The following PDE4B variants were observed in gnomAD, a reference collection of about 807,000 sequenced individuals.
The protein encoded by PDE4B is phosphodiesterase 4B.
A neutral mutation model predicts 82.2 loss-of-function variants in PDE4B; 20 were observed. The observed-to-expected ratio is 0.24, with a 90% CI of 0.17 to 0.35. PDE4B has a LOEUF of 0.35. Ranked by LOEUF, PDE4B falls within the 10% of genes least tolerant of loss-of-function variation. The pLI, the probability that PDE4B is intolerant of heterozygous loss-of-function variation, is 1.00. For missense variants in PDE4B, 655 were observed against 907.2 expected (o/e 0.72, Z 3.57); for synonymous variants, 320 against 318.9 (o/e 1.00, Z -0.04).
chr1:66,204,618 A>G (rs1649382698), intron 3 of PDE4B, among the ~76,000 whole-genome samples: 1 of 152,180 alleles, frequency 6.6e-6, no homozygotes, highest in African/African-American at 2.4e-5. Context: ...GCAATCAACG[A>G]GACTCCATGG....
intron 3 of PDE4B, among the ~76,000 whole-genome samples, chr1:65,942,854 T>A (rs1648518197): frequency 6.6e-6 from 1 of 151,758 alleles, no homozygotes; most frequent in African/African-American, 2.4e-5. Context: ...AGATCTTTTG[T>A]CCATGTTTAA....
chr1:66,029,174 T>G (rs1282208182), intron 3 of PDE4B, among the ~76,000 whole-genome samples: 4 of 152,112 alleles, frequency 2.6e-5, no homozygotes, highest in Admixed American at 2.6e-4. Context: ...ACTTCTTACA[T>G]AGTGGTGGCA....
At chr1:66,173,993 C>T (rs1646885725) in intron 3 of PDE4B, among the ~76,000 whole-genome samples, 2 of 152,158 alleles carry the variant, frequency 1.3e-5, no homozygotes, top group Non-Finnish European at 2.9e-5. Flanking sequence ...TGCTGTGTTA[C>T]TCAGGCTGGT....
chr1:66,079,912 C>T (rs985022651), intron 3 of PDE4B, among the ~76,000 whole-genome samples: 2 of 152,028 alleles, frequency 1.3e-5, no homozygotes, highest in African/African-American at 4.8e-5. Flanking sequence ...TACTAACAAG[C>T]TTTAATGAAA....
intron 3 of PDE4B, among the ~76,000 whole-genome samples, chr1:66,225,392 T>A: frequency 6.6e-6 from 1 of 152,220 alleles, no homozygotes; most frequent in Non-Finnish European, 1.5e-5. Flanking sequence ...CAGTCGATAA[T>A]ATTTCTAAGA....
chr1:65,967,816 C>T (rs1374109896), intron 3 of PDE4B, among the ~76,000 whole-genome samples: 3 of 151,926 alleles, frequency 2.0e-5, no homozygotes, highest in Non-Finnish European at 4.4e-5. Flanking sequence ...GGGAGTTGAA[C>T]GATGAAAACA....
chr1:65,851,438 G>A (rs1056891818), intron 1 of PDE4B, among the ~76,000 whole-genome samples: 10 of 151,908 alleles, frequency 6.6e-5, no homozygotes, highest in African/African-American at 2.2e-4. Context: ...GAGAACTAAC[G>A]TGAACAATCT....
intron 1 of PDE4B, among the ~76,000 whole-genome samples, chr1:65,846,314 C>G (rs1323979487): frequency 6.6e-6 from 1 of 152,170 alleles, no homozygotes; most frequent in Non-Finnish European, 1.5e-5. Flanking sequence ...GGGCTGACAA[C>G]AAACTTCACT....
intron 6 of PDE4B, among the ~76,000 whole-genome samples, chr1:66,264,022 G>A (rs566057954): frequency 2.0e-5 from 3 of 152,168 alleles, no homozygotes; most frequent in Non-Finnish European, 4.4e-5. Flanking sequence ...GGGATCAAGC[G>A]GTAAACAAGT....
At chr1:66,032,778 C>G (rs1016688636) in intron 3 of PDE4B, among the ~76,000 whole-genome samples, 2 of 151,666 alleles carry the variant, frequency 1.3e-5, no homozygotes, top group African/African-American at 4.8e-5. Context: ...GCCTCAGCCT[C>G]TTGAGCAGCT....
intron 1 of PDE4B, among the ~76,000 whole-genome samples, chr1:65,893,585 G>A (rs1209919865): frequency 6.6e-6 from 1 of 152,038 alleles, no homozygotes; most frequent in African/African-American, 2.4e-5. Context: ...AGACAGTATG[G>A]AGATTCCTTA....
At chr1:65,896,419 G>A (rs1210047078) in intron 1 of PDE4B, among the ~76,000 whole-genome samples, 1 of 152,044 alleles carries the variant, frequency 6.6e-6, no homozygotes, top group Non-Finnish European at 1.5e-5. Context: ...ATGACATATG[G>A]GAATTATGGA....
At chr1:65,979,224 G>T (rs959047666) in intron 3 of PDE4B, among the ~76,000 whole-genome samples, 1 of 152,172 alleles carries the variant, frequency 6.6e-6, no homozygotes, top group African/African-American at 2.4e-5. Context: ...CCCCCAAACT[G>T]CTTGCTTCTC....
intron 8 of PDE4B, among the ~76,000 whole-genome samples, chr1:66,344,590 A>T (rs1208177076): frequency 6.6e-6 from 1 of 152,222 alleles, no homozygotes. Flanking sequence ...CCTTTAATAC[A>T]GTGCTAAAAT....
intron 3 of PDE4B, among the ~76,000 whole-genome samples, chr1:65,975,902 T>C (rs1358749730): frequency 6.6e-6 from 1 of 152,228 alleles, no homozygotes; most frequent in Non-Finnish European, 1.5e-5. Flanking sequence ...AGAAGTCTGC[T>C]TCAGGGGTGG....
intron 8 of PDE4B, among the ~76,000 whole-genome samples, chr1:66,354,092 G>A (rs1434797670): frequency 6.6e-6 from 1 of 152,184 alleles, no homozygotes; most frequent in Non-Finnish European, 1.5e-5. Context: ...CTTGGTGTGT[G>A]CGACAAATAA....
At chr1:66,132,618 T>C (rs1160940884) in intron 3 of PDE4B, among the ~76,000 whole-genome samples, 1 of 152,166 alleles carries the variant, frequency 6.6e-6, no homozygotes, top group Non-Finnish European at 1.5e-5. Flanking sequence ...GCCTTTTAGT[T>C]TCAAAGGAAG....
At position 66,114,557 on chromosome 1, in the gene PDE4B, AC is replaced by A. The variant is rs572426763; in HGVS notation, c.282-132899del. Among the ~76,000 whole-genome samples the A allele has an allele frequency of 5.7e-4, 86 of 151,942 alleles. No homozygotes were observed. In the East Asian group the frequency reaches 0.015, roughly 26 times the overall value. On this transcript the variant is annotated intron_variant, in intron 3 of 16. Coordinates refer to ENST00000341517, the MANE Select transcript of PDE4B (RefSeq NM_002600.4). ...TTATACAAGCTTAGAATAAAAAGAAACCCCTTAAAGACTCTCTGAAAACACA... is the reference window on the plus strand; with the variant it reads ...TTATACAAGCTTAGAATAAAAAGAAACCCTTAAAGACTCTCTGAAAACACA...
chr1:66,212,521 T>A (rs909761519), intron 3 of PDE4B, among the ~76,000 whole-genome samples: 2 of 152,174 alleles, frequency 1.3e-5, no homozygotes, highest in African/African-American at 4.8e-5. Context: ...GAACTCCTGA[T>A]CTACACTACT....
Sources: gnomAD v4.1 joint callset for allele counts (sites outside exome capture counted in the v4.1 genomes callset) on GRCh38, gnomAD v4.1.1 for gene constraint, MANE v1.5 for transcripts, NCBI Gene and HGNC (gene_info 2026-07-23, HGNC 2026-07-21) for gene names.